ALDH7A1: variants seen among roughly 807,000 people sequenced by gnomAD.
ALDH7A1 encodes the protein alpha-aminoadipic semialdehyde dehydrogenase.
In ALDH7A1, 63 loss-of-function variants were observed where a neutral mutation model predicts 79.9. The observed-to-expected ratio is 0.79, with a 90% CI of 0.64 to 0.97. The LOEUF is 0.97. ALDH7A1 is among the 50% of genes least tolerant of loss of function. The pLI is 0.00. For synonymous variants in ALDH7A1, 240 were observed against 231.2 expected (o/e 1.04, Z -0.34); for missense variants, 627 against 665.2 (o/e 0.94, Z 0.63).
chr5:126,582,020 G>A (rs974624486), intron 5 of ALDH7A1: 7 of 396,884 alleles, frequency 1.8e-5, no homozygotes, highest in South Asian at 1.3e-4. Context: ...TTGGCTGTAC[G>A]TGCTCTAAAA....
At position 126,544,985 on chromosome 5, in the gene ALDH7A1, G is replaced by A. The variant is rs2112743884; in HGVS notation, c.1600C>T (p.Gln534Ter). ...CACCTTTACTGAAACTTGATTCCTT[G>A]GGCCAGAGGAAGGTCTTTACTGTAG... is the stretch of plus-strand genomic sequence containing the variant. ...INYSKDLPLAQGIKFQ is the reference protein window; with the variant it reads ...INYSKDLPLA The change falls in exon 18 of 18, where the codon CAA becomes TAA. Residue 534 changes from glutamine to a stop codon, truncating the protein, a stop_gained. Transcript: ENST00000409134. LOFTEE classifies it high-confidence loss of function. The A allele has an allele frequency of 6.2e-7, 1 of 1,610,756 alleles. No individual in the cohort carries two copies. Among genetic ancestry groups the A allele is most frequent in the Non-Finnish European group, 8.5e-7 (1 of 1,177,054 alleles).
In ALDH7A1 at chr5:126,561,076, G is replaced by A. The variant is rs1215689840; in HGVS notation, c.913+7C>T. 6.2e-7 allele frequency: 1 copy of A among 1,613,208 alleles called. No individual in the cohort carries two copies. The highest frequency in any genetic ancestry group is 2.2e-5 in the East Asian group (1 of 44,848). On this transcript the variant is annotated splice_region_variant and intron_variant, in intron 10 of 17. Coordinates refer to ENST00000409134, the MANE Select transcript of ALDH7A1 (RefSeq NM_001182.5). ...GAAAACAAACAAAAACAAAGAGGCA[G>A]CCTTACCAATAATGGCATTGTTTCC...
At chr5:126,575,539 A>G in intron 6 of ALDH7A1, 75 bp from the exon 7 acceptor site, 1 of 1,339,442 alleles carries the variant, frequency 7.5e-7, no homozygotes, top group Non-Finnish European at 1.0e-6. Flanking sequence ...TTATTATCAA[A>G]CAGAAGCAAA....
At chr5:126,575,751 G>A (rs1038768993) in intron 6 of ALDH7A1, among the ~76,000 whole-genome samples, 2 of 152,192 alleles carry the variant, frequency 1.3e-5, no homozygotes, top group Admixed American at 6.5e-5. Flanking sequence ...CCAGTTATAG[G>A]AACTGAGTGA....
intron 7 of ALDH7A1, chr5:126,571,150 ATTTTTTTTTTTTTTT>A (rs386404930): frequency 5.4e-5 from 12 of 221,898 alleles, no homozygotes; most frequent in Non-Finnish European, 9.5e-5. Context: ...CTATTAGCAG[ATTTTTTTTTTTTTTT>A]TTTTTTTTTT....
At chr5:126,552,201 G>A in intron 13 of ALDH7A1, 64 bp from the exon 14 acceptor site, 4 of 1,257,678 alleles carry the variant, frequency 3.2e-6, no homozygotes, top group Non-Finnish European at 4.7e-6. Context: ...TGGGGTCAGA[G>A]GATGCAATCT....
intron 11 of ALDH7A1, among the ~76,000 whole-genome samples, chr5:126,558,983 T>G (rs548014913): frequency 3.5e-4 from 53 of 152,368 alleles, no homozygotes; most frequent in African/African-American, 1.3e-3. Flanking sequence ...GGACTGAATA[T>G]CAGTCTCATC....
In ALDH7A1 at chr5:126,582,923, C is replaced by T; in HGVS notation, c.445G>A (p.Glu149Lys). 2 of 1,613,848 alleles carry T rather than the reference C, an allele frequency of 1.2e-6. No individual in the cohort carries two copies. Among genetic ancestry groups the T allele is most frequent in the East Asian group, 2.2e-5 (1 of 44,832 alleles). Residue 149 changes from glutamate to lysine, a missense_variant, in exon 5 of 18, where the codon GAG becomes AAG. Coordinates refer to ENST00000409134, the MANE Select transcript of ALDH7A1 (RefSeq NM_001182.5). The part of the protein sequence containing the change: ...ILVEGVGEVQ[E>K]YVDICDYAVG... The stretch of plus-strand genomic sequence containing the variant: ...GCATAGTCACAGATATCCACATACT[C>T]CTGAACTTCACCCACACCTTCCACT...
At chr5:126,559,767 A>C (rs1349169977) in intron 10 of ALDH7A1, among the ~76,000 whole-genome samples, 1 of 152,060 alleles carries the variant, frequency 6.6e-6, no homozygotes, top group Admixed American at 6.6e-5. Context: ...AGAACATCAA[A>C]ACTATTGTTG....
intron 9 of ALDH7A1, chr5:126,564,582 T>A: frequency 1.6e-6 from 2 of 1,248,072 alleles, no homozygotes; most frequent in Non-Finnish European, 2.0e-6. Flanking sequence ...TATCTTCTCA[T>A]TTCCATTGCT....
chr5:126,588,741 A>G (rs141005380), intron 3 of ALDH7A1: 1 of 152,212 alleles, frequency 6.6e-6, no homozygotes, highest in Non-Finnish European at 1.5e-5. Context: ...CAAAATGTTA[A>G]TAACAGGGGA....
intron 7 of ALDH7A1, among the ~76,000 whole-genome samples, chr5:126,573,550 T>G (rs1329792288): frequency 1.3e-5 from 2 of 151,510 alleles, no homozygotes; most frequent in Non-Finnish European, 2.9e-5. Flanking sequence ...TACAAAAAAT[T>G]AGCCGGGCGT....
At chr5:126,587,194 G>A (rs1751383899) in intron 3 of ALDH7A1, 1 of 152,250 alleles carries the variant, frequency 6.6e-6, no homozygotes, top group African/African-American at 2.4e-5. Flanking sequence ...GGATGCAGAC[G>A]GCAGAAATGG....
intron 3 of ALDH7A1, chr5:126,584,295 G>C (rs1233909498): frequency 1.7e-5 from 7 of 415,154 alleles, no homozygotes; most frequent in Admixed American, 3.9e-5. Context: ...AAAGACAAAG[G>C]AAATAAAAAG....
chr5:126,551,101 A>AT (rs1749982832), intron 14 of ALDH7A1, among the ~76,000 whole-genome samples: 1 of 151,872 alleles, frequency 6.6e-6, no homozygotes, highest in African/African-American at 2.4e-5. Context: ...TAATTTTTTA[A>AT]TTTTTTTGTA....
Position 126,561,191 on chromosome 5 carries a change from A to C in ALDH7A1, c.872-67T>G. 8 of 1,239,740 alleles carry C rather than the reference A, an allele frequency of 6.5e-6. No individual in the cohort carries two copies. In the South Asian group the frequency reaches 1.1e-4, roughly 17 times the overall value. 76.8% of individuals were successfully genotyped at this position (1,239,740 alleles called of 1,614,324 possible). On this transcript the variant is annotated intron_variant, in intron 9 of 17. Transcript: ENST00000409134. ...CCATATTTACTGCACACTGCTACAC[A>C]GCCTAATCCCAATTATTAAATTATA... is the stretch of plus-strand genomic sequence containing the variant.
intron 9 of ALDH7A1, among the ~76,000 whole-genome samples, chr5:126,563,846 T>C (rs1462703985): frequency 6.6e-6 from 1 of 152,092 alleles, no homozygotes; most frequent in Admixed American, 6.6e-5. Flanking sequence ...TGGAATATAG[T>C]GGTGCTATCA....
At chr5:126,555,493 A>G (rs1750159897) in intron 12 of ALDH7A1, 1 of 170,020 alleles carries the variant, frequency 5.9e-6, no homozygotes, top group Non-Finnish European at 1.3e-5. Flanking sequence ...AAAAAAAAAA[A>G]AAAAAAAAAA....
At chr5:126,592,564 C>T in intron 3 of ALDH7A1, 100 bp downstream of exon 3, 1 of 1,232,090 alleles carries the variant, frequency 8.1e-7, no homozygotes, top group Non-Finnish European at 1.2e-6. Flanking sequence ...CACATTTTAA[C>T]AAGGCGGCAC....
Sources: allele counts gnomAD v4.1 joint callset (sites outside exome capture counted in the v4.1 genomes callset), GRCh38; gene constraint gnomAD v4.1.1; transcripts MANE v1.5; gene names NCBI Gene and HGNC (gene_info 2026-07-23, HGNC 2026-07-21).